The following SLC25A21 variants were observed in gnomAD, a reference collection of about 807,000 sequenced individuals.
SLC25A21 encodes solute carrier family 25 member 21.
SLC25A21 carries 47 observed loss-of-function variants against 43.8 expected under a neutral mutation model. The ratio of observed to expected loss-of-function variants is 1.07; its 90% CI spans 0.85 to 1.37. The LOEUF is 1.37. Ranked by LOEUF, SLC25A21 falls within the 40% of genes most tolerant of loss-of-function variation. The probability of loss-of-function intolerance (pLI) is 0.00; values close to 1 mark genes in which losing one functional copy is unlikely to be tolerated. For synonymous variants in SLC25A21, 131 were observed against 121.3 expected (o/e 1.08, Z -0.52); for missense variants, 352 against 350.2 (o/e 1.00, Z -0.04).
At chr14:36,949,564 G>A (rs959853069) in intron 1 of SLC25A21, among the ~76,000 whole-genome samples, 7 of 152,160 alleles carry the variant, frequency 4.6e-5, no homozygotes, top group Non-Finnish European at 1.0e-4. Flanking sequence ...CTTCCTCCCC[G>A]CTGCCTGGCC....
intron 1 of SLC25A21, among the ~76,000 whole-genome samples, chr14:36,986,993 A>T (rs1960161449): frequency 6.6e-6 from 1 of 152,170 alleles, no homozygotes; most frequent in Non-Finnish European, 1.5e-5. Context: ...TTGAAACACC[A>T]TGAGACTCTC....
intron 1 of SLC25A21, among the ~76,000 whole-genome samples, chr14:37,146,578 T>C (rs537414100): frequency 1.3e-5 from 2 of 152,308 alleles, no homozygotes; most frequent in East Asian, 1.9e-4. Context: ...ATGAAGCTAA[T>C]AGTCTACTGA....
intron 1 of SLC25A21, among the ~76,000 whole-genome samples, chr14:36,945,230 C>T (rs999759565): frequency 2.0e-5 from 3 of 152,118 alleles, no homozygotes; most frequent in African/African-American, 7.2e-5. Flanking sequence ...GAAACTGAGA[C>T]ATAAAAGTAA....
At chr14:37,017,362 A>G (rs28411825) in intron 1 of SLC25A21, among the ~76,000 whole-genome samples, 59,572 of 151,916 alleles carry the variant, frequency 0.39, 12,805 homozygotes, top group African/African-American at 0.58. Flanking sequence ...CAGTCTGTGG[A>G]GCAGTCAGAA....
At chr14:37,052,222 G>A (rs559599482) in intron 1 of SLC25A21, among the ~76,000 whole-genome samples, 1 of 152,190 alleles carries the variant, frequency 6.6e-6, no homozygotes, top group Admixed American at 6.5e-5. Context: ...CTAAAGAAAT[G>A]TGATCCAGGG....
At chr14:37,024,923 T>C (rs1961061675) in intron 1 of SLC25A21, among the ~76,000 whole-genome samples, 1 of 152,140 alleles carries the variant, frequency 6.6e-6, no homozygotes, top group Non-Finnish European at 1.5e-5. Context: ...TTTGTCAATT[T>C]AAATCTTTCA....
chr14:36,934,533 A>T (rs1250038711), intron 1 of SLC25A21, among the ~76,000 whole-genome samples: 1 of 152,008 alleles, frequency 6.6e-6, no homozygotes, highest in Admixed American at 6.6e-5. Flanking sequence ...TAAAGCTATA[A>T]ATCACCAGCC....
chr14:36,779,615 T>C (rs1396911675), intron 3 of SLC25A21, among the ~76,000 whole-genome samples: 3 of 24,708 alleles, frequency 1.2e-4, no homozygotes, highest in East Asian at 7.4e-3. Context: ...TATACATATA[T>C]ATATATATAT....
chr14:37,163,573 G>C (rs912167948), intron 1 of SLC25A21, among the ~76,000 whole-genome samples: 1 of 152,000 alleles, frequency 6.6e-6, no homozygotes, highest in Non-Finnish European at 1.5e-5. Context: ...ACAAAAAAAG[G>C]AAATTGGTAA....
At chr14:36,845,100 GA>G (rs1465406884) in intron 2 of SLC25A21, among the ~76,000 whole-genome samples, 2 of 152,122 alleles carry the variant, frequency 1.3e-5, no homozygotes, top group African/African-American at 4.8e-5. Flanking sequence ...TGTCAGAGTT[GA>G]CCTACTGCCA....
At chr14:36,701,727 GAATT>G (rs1206377587) in intron 7 of SLC25A21, among the ~76,000 whole-genome samples, 3 of 152,036 alleles carry the variant, frequency 2.0e-5, no homozygotes, top group Admixed American at 2.0e-4. Context: ...TACCACCTAG[GAATT>G]AATTATGTAT....
intron 1 of SLC25A21, among the ~76,000 whole-genome samples, chr14:36,965,576 T>C (rs549159921): frequency 2.0e-4 from 30 of 152,306 alleles, no homozygotes; most frequent in African/African-American, 7.2e-4. Flanking sequence ...ACACAAACCA[T>C]GTAGACATAC....
intron 1 of SLC25A21, among the ~76,000 whole-genome samples, chr14:37,032,670 C>CAAA (rs3061773): frequency 2.3e-4 from 22 of 93,804 alleles, no homozygotes; most frequent in Non-Finnish European, 4.1e-4. Flanking sequence ...GACTCTGTCT[C>CAAA]AAAAAAAAAA....
intron 1 of SLC25A21, among the ~76,000 whole-genome samples, chr14:36,888,908 A>C (rs1347792506): frequency 6.6e-6 from 1 of 152,252 alleles, no homozygotes; most frequent in Non-Finnish European, 1.5e-5. Flanking sequence ...TCATCTTGAC[A>C]GAGTAAATGA....
chr14:36,772,097 G>C (rs1886641384), intron 3 of SLC25A21, among the ~76,000 whole-genome samples: 1 of 152,138 alleles, frequency 6.6e-6, no homozygotes, highest in Non-Finnish European at 1.5e-5. Flanking sequence ...CACGGCCACA[G>C]CTGGGCCACA....
Position 37,141,630 on chromosome 14 carries a change from T to C in SLC25A21, c.70+30651A>G, listed in dbSNP as rs969861659. ...TTATCATTTTCCATCTTTTTCCTAG[T>C]AGATTTACTTTACTACGTAAATGTT... On this transcript the variant is annotated intron_variant, in intron 1 of 9. Transcript: ENST00000331299. Among the ~76,000 whole-genome samples, 5 of 152,240 alleles carry C rather than the reference T, an allele frequency of 3.3e-5. 1 individual carries two copies. Among genetic ancestry groups the C allele is most frequent in the South Asian group, 4.1e-4 (2 of 4,830 alleles).
chr14:36,916,539 G>A (rs968315430), intron 1 of SLC25A21, among the ~76,000 whole-genome samples: 52 of 152,148 alleles, frequency 3.4e-4, no homozygotes, highest in African/African-American at 1.1e-3. Context: ...ATATGCCGAT[G>A]GAGTCTACTG....
chr14:36,920,676 G>C (rs1265928559), intron 1 of SLC25A21, among the ~76,000 whole-genome samples: 1 of 151,952 alleles, frequency 6.6e-6, no homozygotes, highest in Admixed American at 6.6e-5. Context: ...TGCAATTTGG[G>C]TTTCAAAGAT....
intron 7 of SLC25A21, among the ~76,000 whole-genome samples, chr14:36,703,651 A>G (rs1023228225): frequency 3.5e-4 from 54 of 152,364 alleles, no homozygotes; most frequent in African/African-American, 1.2e-3. Context: ...GTTGACAGCC[A>G]TTAGCTTTAG....
Sources: allele counts gnomAD v4.1 joint callset (sites outside exome capture counted in the v4.1 genomes callset), GRCh38; gene constraint gnomAD v4.1.1; transcripts MANE v1.5; gene names NCBI Gene and HGNC (gene_info 2026-07-23, HGNC 2026-07-21).